ANAPC5: variants seen among roughly 807,000 people sequenced by gnomAD.
The protein encoded by ANAPC5 is anaphase promoting complex subunit 5, also known as anaphase-promoting complex subunit 5.
A neutral mutation model predicts 91.3 loss-of-function variants in ANAPC5; 60 were observed. The ratio of observed to expected loss-of-function variants is 0.66; its 90% CI spans 0.53 to 0.81. ANAPC5 has a LOEUF of 0.81. ANAPC5 is among the 40% of genes least tolerant of loss of function. ANAPC5 has a pLI of 0.00. For missense variants in ANAPC5, 690 were observed against 931.5 expected (o/e 0.74, Z 3.37); for synonymous variants, 340 against 364.1 (o/e 0.93, Z 0.75).
intron 16 of ANAPC5, among the ~76,000 whole-genome samples, chr12:121,309,096 C>G (rs1297871035): frequency 1.4e-5 from 2 of 139,910 alleles, no homozygotes; most frequent in East Asian, 4.3e-4. Context: ...TTGCAGTGAG[C>G]TGAGATCACG....
intron 4 of ANAPC5, among the ~76,000 whole-genome samples, chr12:121,345,570 C>G (rs1447128866): frequency 1.3e-5 from 2 of 152,046 alleles, no homozygotes; most frequent in Non-Finnish European, 2.9e-5. Context: ...AGCCAGCCCC[C>G]CAGGACCCCC....
intron 1 of ANAPC5, among the ~76,000 whole-genome samples, chr12:121,351,520 C>T (rs1903892271): frequency 1.3e-5 from 2 of 151,086 alleles, no homozygotes; most frequent in South Asian, 4.2e-4. Flanking sequence ...TGCAGTGGCG[C>T]GATCTCGGCT....
At chr12:121,331,146 C>T (rs1236001418) in intron 8 of ANAPC5, 1 of 508,048 alleles carries the variant, frequency 2.0e-6, no homozygotes, top group African/African-American at 1.9e-5. Flanking sequence ...CAGATATATG[C>T]CAAAAGCAAA....
chr12:121,345,751 A>G (rs1555274589), intron 4 of ANAPC5, 88 bp downstream of exon 4: 14 of 1,331,122 alleles, frequency 1.1e-5, no homozygotes, highest in Non-Finnish European at 7.4e-6. Context: ...ATAAGCCAGC[A>G]CGTGAATTCT....
At position 121,337,470 on chromosome 12, in the gene ANAPC5, TG is replaced by T. The variant is rs1903288321; in HGVS notation, c.658-79del. 6 of 1,124,940 alleles carry T rather than the reference TG, an allele frequency of 5.3e-6. No homozygotes were observed. The East Asian group carries it at 1.2e-4, about 23-fold the overall frequency. The allele number at this position is 1,124,940 out of a possible 1,614,324, so 69.7% of individuals were successfully genotyped here. ...AAAAGATATACTAACTAGCATCACCTGATTATTTTCTTTTCTACAGGGGTCC... is the reference window on the plus strand; with the variant it reads ...AAAAGATATACTAACTAGCATCACCTATTATTTTCTTTTCTACAGGGGTCC... On this transcript the variant is annotated intron_variant, in intron 5 of 16. Transcript: ENST00000261819.
Position 121,335,700 on chromosome 12 carries a change from GTTGT to G in ANAPC5, c.779_782del (p.Asn260ThrfsTer21), listed in dbSNP as rs1230331923. On this transcript the variant is annotated frameshift_variant, in exon 7 of 17. Transcript: ENST00000261819. LOFTEE classifies it high-confidence loss of function. ...AACTGAAAACATCTTGGACACGGAGGTTGTTTAAGTAGCTGAGATAATGCTAAAA... is the reference window on the plus strand; with the variant it reads ...AACTGAAAACATCTTGGACACGGAGGTTAAGTAGCTGAGATAATGCTAAAA... The G allele has an allele frequency of 6.2e-7, 1 of 1,606,244 alleles. No individual in the cohort carries two copies. The highest frequency in any genetic ancestry group is 8.5e-7 in the Non-Finnish European group (1 of 1,173,532).
chr12:121,349,141 T>A (rs1007022843), intron 1 of ANAPC5, among the ~76,000 whole-genome samples: 2 of 152,216 alleles, frequency 1.3e-5, no homozygotes, highest in Non-Finnish European at 2.9e-5. Context: ...TCCTCCCACG[T>A]TGGCCTCCCA....
chr12:121,347,260 A>G, intron 2 of ANAPC5: 1 of 450,414 alleles, frequency 2.2e-6, no homozygotes, highest in Middle Eastern at 6.1e-4. Flanking sequence ...ATCTGCAATG[A>G]CTAAAAAGAG....
chr12:121,331,452 A>G, intron 7 of ANAPC5, 24 bp from the exon 8 acceptor site: 2 of 1,574,132 alleles, frequency 1.3e-6, no homozygotes, highest in Non-Finnish European at 1.7e-6. Context: ...AAACATTAAT[A>G]TCCCATTAAT....
chr12:121,316,456 G>C (rs765117433), intron 15 of ANAPC5, among the ~76,000 whole-genome samples: 1 of 151,950 alleles, frequency 6.6e-6, no homozygotes, highest in East Asian at 1.9e-4. Flanking sequence ...ATTCAACCCC[G>C]GGCGCGGTGG....
intron 15 of ANAPC5, among the ~76,000 whole-genome samples, chr12:121,312,247 A>C (rs1205638955): frequency 6.6e-6 from 1 of 152,178 alleles, no homozygotes; most frequent in Non-Finnish European, 1.5e-5. Context: ...GAAATTAGAA[A>C]ATGCAATGAG....
At chr12:121,351,975 C>T (rs188547487) in intron 1 of ANAPC5, among the ~76,000 whole-genome samples, 159 bp downstream of exon 1, 1 of 152,068 alleles carries the variant, frequency 6.6e-6, no homozygotes, top group East Asian at 1.9e-4. Flanking sequence ...ACGCTCAGTA[C>T]GTGTTAGCTA....
Position 121,318,328 on chromosome 12 carries a change from G to C in ANAPC5, c.1842C>G (p.Tyr614Ter). 1 of 1,600,976 alleles carries C rather than the reference G, an allele frequency of 6.2e-7. No homozygotes were observed. The highest frequency in any genetic ancestry group is 1.1e-5 in the South Asian group (1 of 88,786). The change falls in exon 15 of 17, where the codon TAC (tyrosine) becomes TAG (stop). Residue 614 changes from tyrosine to a stop codon, truncating the protein, a stop_gained. Coordinates refer to ENST00000261819, the MANE Select transcript of ANAPC5 (RefSeq NM_016237.5). LOFTEE classifies it high-confidence loss of function. ...LLQALALSKE[Y>*]RLQYLASETV... Reference sequence around the variant, plus strand: ...TTTCAGAGGCCAAGTACTGTAACCGGTACTCCTTGGAGAGGGCCAGAGCCT... The same window carrying C: ...TTTCAGAGGCCAAGTACTGTAACCGCTACTCCTTGGAGAGGGCCAGAGCCT...
chr12:121,312,438 G>A (rs983393351), intron 15 of ANAPC5, among the ~76,000 whole-genome samples: 7 of 151,746 alleles, frequency 4.6e-5, no homozygotes, highest in African/African-American at 7.3e-5. Context: ...CAGGCACAGC[G>A]GCTCACACCT....
Position 121,342,043 on chromosome 12 carries a change from G to A in ANAPC5, c.617C>T (p.Pro206Leu). 1 of 1,609,564 alleles carries A rather than the reference G, an allele frequency of 6.2e-7. No individual in the cohort carries two copies. The highest frequency in any genetic ancestry group is 8.5e-7 in the Non-Finnish European group (1 of 1,179,178). The change falls in exon 5 of 17, where the codon CCT (proline) becomes CTT (leucine). Residue 206 changes from proline to leucine, a missense_variant. By Grantham distance (98) the Pro-to-Leu change is moderately conservative (BLOSUM62 -3). Transcript: ENST00000261819. The surrounding 1 kb of genome is among the most constrained non-coding windows in gnomAD (Gnocchi z 4.1). The part of the protein sequence containing the change: ...VREEEVSCSG[P>L]LSQKQAEFFL... ...AAATTCTGCTTGTTTTTGGGACAGA[G>A]GCCCACTGCAAGATACCTCCTCTTC...
At chr12:121,319,330 T>G (rs1902507372) in intron 13 of ANAPC5, among the ~76,000 whole-genome samples, 1 of 151,888 alleles carries the variant, frequency 6.6e-6, no homozygotes, top group African/African-American at 2.4e-5. Context: ...CCTCATGGGT[T>G]CAAGCAATTC....
At chr12:121,311,736 G>A (rs1267795406) in intron 15 of ANAPC5, among the ~76,000 whole-genome samples, 1 of 152,110 alleles carries the variant, frequency 6.6e-6, no homozygotes, top group African/African-American at 2.4e-5. Context: ...AGAAAAGTGA[G>A]GTGGGAGGAT....
rs1295559543 is a variant in ANAPC5 at position 121,342,653 on chromosome 12, G to C, written c.591-584C>G. Among the ~76,000 whole-genome samples the C allele has an allele frequency of 6.6e-6, 1 of 152,202 alleles. No homozygotes were observed. The highest frequency in any genetic ancestry group is 1.9e-4 in the East Asian group (1 of 5,196). ...AGGCAGGTGGATCACAAGGTCAAGA[G>C]ATCAAGACCATCCTGACCAACATGG... On this transcript the variant is annotated intron_variant, in intron 4 of 16. Coordinates refer to ENST00000261819, the MANE Select transcript of ANAPC5 (RefSeq NM_016237.5). This position sits in a 1 kb window ranked among gnomAD's most constrained non-coding sequence, Gnocchi z 4.1.
In ANAPC5 at chr12:121,309,805, A is replaced by G; in HGVS notation, c.1952T>C (p.Ile651Thr). ...GTCCAGGATAGCCCCGTCAGCCAAG[A>G]TGGGCTCGATGGCCATGTGGAGAAG... ...LSLLHMAIEP[I>T]LADGAILDKG... is the part of the protein sequence containing the mutation. The change falls in exon 16 of 17, where the codon ATC becomes ACC. Residue 651 changes from isoleucine to threonine, a missense_variant. Ile to Thr is a moderately conservative substitution (Grantham distance 89). Transcript: ENST00000261819. 3 of 1,614,166 alleles carry G rather than the reference A, an allele frequency of 1.9e-6. No individual in the cohort carries two copies. Among genetic ancestry groups the G allele is most frequent in the Non-Finnish European group, 2.5e-6 (3 of 1,180,030 alleles).
Sources: gnomAD v4.1 joint callset for allele counts (sites outside exome capture counted in the v4.1 genomes callset) on GRCh38, gnomAD v4.1.1 for gene constraint, Gnocchi (gnomAD v3.1) non-coding constraint, MANE v1.5 for transcripts, NCBI Gene and HGNC (gene_info 2026-07-23, HGNC 2026-07-21) for gene names.